BICC1: variants seen among roughly 807,000 people sequenced by gnomAD.
BICC1 encodes the protein protein bicaudal C homolog 1.
In BICC1, 43 loss-of-function variants were observed where a neutral mutation model predicts 111.0. The observed-to-expected ratio is 0.39, with a 90% CI of 0.30 to 0.50. The LOEUF (loss-of-function observed/expected upper bound fraction) is 0.50, where lower values mean the gene tolerates loss of function less well. Among genes scored for constraint, BICC1 ranks in the 20% least tolerant of loss-of-function variants. The probability of loss-of-function intolerance (pLI) is 0.88; values close to 1 mark genes in which losing one functional copy is unlikely to be tolerated. For synonymous variants in BICC1, 467 were observed against 434.4 expected (o/e 1.07, Z -0.93); for missense variants, 1,091 against 1,203.2 (o/e 0.91, Z 1.38).
chr10:58,721,999 T>A (rs962383666), intron 3 of BICC1, among the ~76,000 whole-genome samples: 1 of 152,224 alleles, frequency 6.6e-6, no homozygotes, highest in Non-Finnish European at 1.5e-5. Context: ...TTAAGTATGC[T>A]CCATGGGGAT....
intron 1 of BICC1, among the ~76,000 whole-genome samples, chr10:58,517,281 G>C (rs1842266971): frequency 6.6e-6 from 1 of 152,104 alleles, no homozygotes; most frequent in African/African-American, 2.4e-5. Context: ...TAAGAACCAT[G>C]TTGCATTTTT....
intron 1 of BICC1, among the ~76,000 whole-genome samples, chr10:58,548,301 T>TA (rs1163202158): frequency 6.6e-6 from 1 of 152,230 alleles, no homozygotes; most frequent in Admixed American, 6.5e-5. Context: ...CCTAACTAAA[T>TA]ACCCTGTGAG....
At chr10:58,541,541 A>G (rs1490027521) in intron 1 of BICC1, among the ~76,000 whole-genome samples, 1 of 152,144 alleles carries the variant, frequency 6.6e-6, no homozygotes, top group Non-Finnish European at 1.5e-5. Flanking sequence ...AACATTGCAG[A>G]AAAAATTGCA....
At chr10:58,811,783 A>G (rs1843913652) in intron 17 of BICC1, among the ~76,000 whole-genome samples, 1 of 152,210 alleles carries the variant, frequency 6.6e-6, no homozygotes, top group Non-Finnish European at 1.5e-5. Context: ...CATAAAGCAG[A>G]CCTTATGAGC....
chr10:58,575,996 G>A (rs1260023740), intron 1 of BICC1, among the ~76,000 whole-genome samples: 1 of 152,024 alleles, frequency 6.6e-6, no homozygotes, highest in African/African-American at 2.4e-5. Context: ...CAATTTTTTG[G>A]TGTGTGCTTT....
At position 58,725,751 on chromosome 10, in the gene BICC1, G is replaced by A. The variant is rs1841085417; in HGVS notation, c.307+23608G>A. Among the ~76,000 whole-genome samples the A allele has an allele frequency of 2.6e-5, 4 of 152,246 alleles. No individual in the cohort carries two copies. The South Asian group carries it at 8.3e-4, about 32-fold the overall frequency. ...CACCTCAGGCCATGTTAAACAACCTGGAATGCTAGTATTACTACCAGCAGT... is the reference window on the plus strand; with the variant it reads ...CACCTCAGGCCATGTTAAACAACCTAGAATGCTAGTATTACTACCAGCAGT... On this transcript the variant is annotated intron_variant, in intron 3 of 20. Transcript: ENST00000373886.
In BICC1 at chr10:58,622,499, C is replaced by T. The variant is rs147284457; in HGVS notation, c.237+1598C>T. Among the ~76,000 whole-genome samples the T allele has an allele frequency of 4.1e-3, 618 of 152,282 alleles. 2 individuals are homozygous for T. The highest frequency in any genetic ancestry group is 7.0e-3 in the Non-Finnish European group (475 of 68,026). ...ATGTTTGAATCCAGGAACATGTGTG[C>T]GTCCCACAGACTATGAGTTAGAGTC... On this transcript the variant is annotated intron_variant, in intron 2 of 20. Transcript: ENST00000373886.
chr10:58,593,142 G>A (rs1419183605), intron 1 of BICC1, among the ~76,000 whole-genome samples: 1 of 152,106 alleles, frequency 6.6e-6, no homozygotes, highest in Non-Finnish European at 1.5e-5. Flanking sequence ...AGTTCGAACT[G>A]GGTGGAGCCC....
At chr10:58,532,374 C>T (rs1842704355) in intron 1 of BICC1, among the ~76,000 whole-genome samples, 1 of 151,538 alleles carries the variant, frequency 6.6e-6, no homozygotes, top group Admixed American at 6.6e-5. Flanking sequence ...TTGGGTAAGA[C>T]ATCAATTTGA....
intron 1 of BICC1, among the ~76,000 whole-genome samples, chr10:58,607,248 G>A (rs541466531): frequency 6.6e-5 from 10 of 151,052 alleles, no homozygotes; most frequent in South Asian, 2.1e-4. Context: ...CCCGGGAGGC[G>A]GAGGTTGCAG....
At chr10:58,603,226 T>C (rs543506283) in intron 1 of BICC1, among the ~76,000 whole-genome samples, 3 of 152,194 alleles carry the variant, frequency 2.0e-5, no homozygotes, top group Non-Finnish European at 4.4e-5. Context: ...CACATTTCTC[T>C]GTAATCATGG....
intron 3 of BICC1, among the ~76,000 whole-genome samples, chr10:58,703,437 C>T (rs563248069): frequency 2.0e-5 from 3 of 152,146 alleles, no homozygotes; most frequent in Non-Finnish European, 2.9e-5. Flanking sequence ...GTTGGGATTA[C>T]AGGTGTGAGC....
intron 2 of BICC1, among the ~76,000 whole-genome samples, chr10:58,668,790 A>C (rs1839095181): frequency 6.6e-6 from 1 of 152,024 alleles, no homozygotes; most frequent in Non-Finnish European, 1.5e-5. Context: ...ATCAGATTAA[A>C]GAAAAACTTA....
chr10:58,589,587 C>T (rs1844538854), intron 1 of BICC1, among the ~76,000 whole-genome samples: 1 of 151,644 alleles, frequency 6.6e-6, no homozygotes, highest in Non-Finnish European at 1.5e-5. Flanking sequence ...TTCTCTTGCC[C>T]CAGCCTCCCA....
intron 1 of BICC1, among the ~76,000 whole-genome samples, chr10:58,602,718 C>T (rs1229643898): frequency 6.6e-6 from 1 of 152,160 alleles, no homozygotes; most frequent in African/African-American, 2.4e-5. Context: ...AAGAACTTCC[C>T]TAACTCCCCT....
chr10:58,623,166 A>G (rs529407990), intron 2 of BICC1, among the ~76,000 whole-genome samples: 34 of 152,334 alleles, frequency 2.2e-4, no homozygotes, highest in Admixed American at 3.9e-4. Context: ...ATGTAAAATC[A>G]TAATGACTAT....
At chr10:58,806,092 A>G (rs1420972637) in intron 15 of BICC1, among the ~76,000 whole-genome samples, 3 of 152,210 alleles carry the variant, frequency 2.0e-5, no homozygotes, top group African/African-American at 7.2e-5. Flanking sequence ...AGACTATGCC[A>G]GTTAGGTTAA....
chr10:58,549,852 A>AT, intron 1 of BICC1, among the ~76,000 whole-genome samples: 2 of 150,992 alleles, frequency 1.3e-5, no homozygotes, highest in South Asian at 4.2e-4. Context: ...TGCCCGGCTA[A>AT]TTTTTTTGTA....
chr10:58,818,947 T>A (rs910667205), intron 19 of BICC1, among the ~76,000 whole-genome samples: 3 of 152,122 alleles, frequency 2.0e-5, no homozygotes, highest in Non-Finnish European at 4.4e-5. Context: ...GCATAGAAAT[T>A]GTAGGTATTT....
Sources: gnomAD v4.1 joint callset for allele counts (sites outside exome capture counted in the v4.1 genomes callset) on GRCh38, gnomAD v4.1.1 for gene constraint, MANE v1.5 for transcripts, NCBI Gene and HGNC (gene_info 2026-07-23, HGNC 2026-07-21) for gene names.